The following TOPBP1 variants were observed in gnomAD, a reference collection of about 807,000 sequenced individuals.
The protein encoded by TOPBP1 is DNA topoisomerase 2-binding protein 1.
TOPBP1 carries 28 observed loss-of-function variants against 167.7 expected under a neutral mutation model. The observed-to-expected ratio is 0.17, with a 90% CI of 0.12 to 0.23. TOPBP1 has a LOEUF of 0.23. Ranked by LOEUF, TOPBP1 falls within the 10% of genes least tolerant of loss-of-function variation. The pLI is 1.00. For synonymous variants in TOPBP1, 598 were observed against 611.4 expected, an observed-to-expected ratio of 0.98 and a Z score of 0.32; for missense variants, 1,554 against 1,809.6, an observed-to-expected ratio of 0.86 and a Z score of 2.56.
intron 16 of TOPBP1, among the ~76,000 whole-genome samples, chr3:133,624,768 C>T (rs1488231778): frequency 6.6e-6 from 1 of 152,140 alleles, no homozygotes; most frequent in Admixed American, 6.6e-5. Context: ...ATATTTTACA[C>T]ATCATTATCT....
At chr3:133,654,115 A>T (rs1386811104) in intron 6 of TOPBP1, among the ~76,000 whole-genome samples, 1 of 152,198 alleles carries the variant, frequency 6.6e-6, no homozygotes. Flanking sequence ...CTGCAGGAAG[A>T]CAGAAGCAAC....
chr3:133,656,995 TAACCA>T, intron 4 of TOPBP1, 138 bp from the exon 5 acceptor site: 2 of 747,046 alleles, frequency 2.7e-6, no homozygotes, highest in African/African-American at 1.8e-5. Flanking sequence ...GTTAAATAAT[TAACCA>T]AATTATTTTT....
chr3:133,610,838 C>T (rs982219094), intron 25 of TOPBP1, among the ~76,000 whole-genome samples, 166 bp downstream of exon 25: 5 of 151,918 alleles, frequency 3.3e-5, no homozygotes, highest in African/African-American at 1.2e-4. Flanking sequence ...GCAATATGGG[C>T]CACATTTTAC....
intron 18 of TOPBP1, 23 bp from the exon 19 acceptor site, chr3:133,623,216 A>G: frequency 6.2e-7 from 1 of 1,610,642 alleles, no homozygotes. Flanking sequence ...AAAAATTATA[A>G]ATTCTCAAAC....
At chr3:133,643,940 C>T in intron 11 of TOPBP1, 80 bp downstream of exon 11, 2 of 1,365,326 alleles carry the variant, frequency 1.5e-6, no homozygotes, top group Non-Finnish European at 2.0e-6. Flanking sequence ...TGTAACTGAA[C>T]TGTCTAAGAA....
intron 6 of TOPBP1, among the ~76,000 whole-genome samples, chr3:133,654,388 G>A (rs893467752): frequency 6.6e-6 from 1 of 152,074 alleles, no homozygotes; most frequent in Non-Finnish European, 1.5e-5. Flanking sequence ...GTATCACAGA[G>A]GAATTGAGGT....
intron 8 of TOPBP1, among the ~76,000 whole-genome samples, chr3:133,651,683 C>T (rs1205836079): frequency 6.6e-6 from 1 of 151,890 alleles, no homozygotes; most frequent in Non-Finnish European, 1.5e-5. Flanking sequence ...ACTAAATAAC[C>T]CAAGAAATAC....
intron 2 of TOPBP1, 44 bp from the exon 3 acceptor site, chr3:133,659,194 C>T (rs1936593408): frequency 2.0e-6 from 3 of 1,493,812 alleles, no homozygotes; most frequent in East Asian, 4.8e-5. Context: ...AATTACTCTC[C>T]TGTATTTAGG....
At chr3:133,647,191 T>C (rs774047146) in intron 10 of TOPBP1, among the ~76,000 whole-genome samples, 3 of 152,146 alleles carry the variant, frequency 2.0e-5, no homozygotes, top group African/African-American at 4.8e-5. Context: ...AACACTGGCT[T>C]TGTGTCAAGG....
rs1934264244 is a variant in TOPBP1 at position 133,600,805 on chromosome 3, C to T, written c.*445G>A. 1 of 159,850 alleles carries T rather than the reference C, an allele frequency of 6.3e-6. No homozygotes were observed. Among genetic ancestry groups the T allele is most frequent in the Non-Finnish European group, 1.4e-5 (1 of 73,606 alleles). The allele number at this position is 159,850 out of a possible 1,614,324, so 9.9% of individuals were successfully genotyped here. A position where few individuals can be genotyped will look rare whatever the true frequency, so the allele number is the denominator to read the frequency against. On this transcript the variant is annotated 3_prime_UTR_variant, in exon 28 of 28. Coordinates refer to ENST00000260810, the MANE Select transcript of TOPBP1 (RefSeq NM_007027.4). Reference sequence around the variant, plus strand: ...CTCATTAAACCTTGTGCTCAGGCTCCTGTTAAAAGAGGTAAAATGGTGAGA... The same window carrying T: ...CTCATTAAACCTTGTGCTCAGGCTCTTGTTAAAAGAGGTAAAATGGTGAGA...
intron 14 of TOPBP1, among the ~76,000 whole-genome samples, chr3:133,634,515 T>TAA (rs201255287): frequency 1.4e-4 from 21 of 148,226 alleles, no homozygotes; most frequent in African/African-American, 5.2e-4. Context: ...GACTCTGTCT[T>TAA]AAAAAAAAAA....
At chr3:133,643,157 A>G (rs762736059) in intron 12 of TOPBP1, 43 bp downstream of exon 12, 2 of 1,459,662 alleles carry the variant, frequency 1.4e-6, no homozygotes, top group Non-Finnish European at 1.8e-6. Flanking sequence ...AAATAAATAA[A>G]AAGATACACC....
chr3:133,613,178 A>G (rs924372705), intron 23 of TOPBP1, among the ~76,000 whole-genome samples: 5 of 152,186 alleles, frequency 3.3e-5, no homozygotes, highest in Non-Finnish European at 7.3e-5. Context: ...ACTATTTTAA[A>G]GCAAATTCTA....
In TOPBP1 at chr3:133,601,070, G is replaced by A; in HGVS notation, c.*180C>T. On this transcript the variant is annotated 3_prime_UTR_variant, in exon 28 of 28. Transcript: ENST00000260810. ...TCAGGTAACTTTTTATTAAGAAACAGTTAATATTTCAGTGATTACAATTTC... is the reference window on the plus strand; with the variant it reads ...TCAGGTAACTTTTTATTAAGAAACAATTAATATTTCAGTGATTACAATTTC... 1 of 455,972 alleles carries A rather than the reference G, an allele frequency of 2.2e-6. No homozygotes were observed. Among genetic ancestry groups the A allele is most frequent in the Non-Finnish European group, 3.8e-6 (1 of 261,332 alleles). The allele number at this position is 455,972 out of a possible 1,614,324, so 28.2% of individuals were successfully genotyped here.
At chr3:133,652,329 T>A in intron 8 of TOPBP1, 134 bp downstream of exon 8, 1 of 827,582 alleles carries the variant, frequency 1.2e-6, no homozygotes, top group Non-Finnish European at 1.9e-6. Flanking sequence ...GTCTAGTAAG[T>A]GCATCTACTT....
intron 27 of TOPBP1, among the ~76,000 whole-genome samples, chr3:133,603,989 A>G (rs1480778223): frequency 6.6e-6 from 1 of 151,886 alleles, no homozygotes. Flanking sequence ...TTCTGTGATT[A>G]CAATGGAATT....
intron 8 of TOPBP1, 95 bp from the exon 9 acceptor site, chr3:133,650,038 A>T (rs188514533): frequency 6.6e-6 from 7 of 1,056,622 alleles, no homozygotes; most frequent in African/African-American, 3.3e-5. Context: ...TATAAATAAG[A>T]CAACTTGTGT....
intron 14 of TOPBP1, among the ~76,000 whole-genome samples, chr3:133,632,630 C>T (rs572906562): frequency 2.6e-5 from 4 of 152,268 alleles, no homozygotes; most frequent in Non-Finnish European, 5.9e-5. Context: ...ATCTATCTGC[C>T]TTCAGCACAC....
intron 10 of TOPBP1, 47 bp from the exon 11 acceptor site, chr3:133,644,410 C>A (rs1215071416): frequency 6.9e-7 from 1 of 1,445,848 alleles, no homozygotes; most frequent in East Asian, 2.3e-5. Context: ...TTACCTTATA[C>A]AGTTTACTTC....
Sources: allele counts gnomAD v4.1 joint callset (sites outside exome capture counted in the v4.1 genomes callset), GRCh38; gene constraint gnomAD v4.1.1; transcripts MANE v1.5; gene names NCBI Gene and HGNC (gene_info 2026-07-23, HGNC 2026-07-21).